The following UQCC2 variants were observed in gnomAD, a reference collection of about 807,000 sequenced individuals.
UQCC2 encodes the protein breast cancer-associated protein SGA-81M.
A neutral mutation model predicts 19.9 loss-of-function variants in UQCC2; 21 were observed. That is an observed-to-expected ratio of 1.05 (90% CI 0.75 to 1.52). UQCC2 has a LOEUF of 1.52. Among genes scored for constraint, UQCC2 ranks in the 40% most tolerant of loss-of-function variants. UQCC2 has a pLI of 0.00. For synonymous variants in UQCC2, 57 were observed against 60.9 expected, an observed-to-expected ratio of 0.94 and a Z score of 0.30; for missense variants, 135 against 157.5, an observed-to-expected ratio of 0.86 and a Z score of 0.76.
rs535216216 is a variant in UQCC2 at position 33,707,092 on chromosome 6, G to A, written c.138+4457C>T. Among the ~76,000 whole-genome samples, 168 of 152,358 alleles carry A rather than the reference G, an allele frequency of 1.1e-3. 9 individuals are homozygous for A. In the South Asian group the frequency reaches 0.034, roughly 31 times the overall value. The stretch of plus-strand genomic sequence containing the variant: ...TGGCCAAGAATTTATCCCTTCAGGT[G>A]GAGCACTGCAGCTTTACATATGCAG... On this transcript the variant is annotated intron_variant, in intron 1 of 3. Coordinates refer to ENST00000607484, the MANE Select transcript of UQCC2 (RefSeq NM_032340.4).
intron 1 of UQCC2, 82 bp from the exon 2 acceptor site, chr6:33,701,502 T>C: frequency 1.4e-6 from 2 of 1,392,524 alleles, no homozygotes; most frequent in Non-Finnish European, 2.0e-6. Context: ...AAGACCATAC[T>C]TAATAAAGCG....
chr6:33,703,364 C>A (rs1377470648), intron 1 of UQCC2, among the ~76,000 whole-genome samples: 1 of 152,160 alleles, frequency 6.6e-6, no homozygotes, highest in Middle Eastern at 3.2e-3. Context: ...AGGCTTTCAC[C>A]ATGTTGGCCA....
At chr6:33,702,738 CTCTTTTA>C (rs1404472415) in intron 1 of UQCC2, among the ~76,000 whole-genome samples, 12 of 152,198 alleles carry the variant, frequency 7.9e-5, no homozygotes, top group Non-Finnish European at 1.5e-5. Context: ...ACAAAACTTT[CTCTTTTA>C]TATTTTTTCC....
At chr6:33,707,326 C>G (rs1329619389) in intron 1 of UQCC2, among the ~76,000 whole-genome samples, 1 of 152,186 alleles carries the variant, frequency 6.6e-6, no homozygotes, top group Non-Finnish European at 1.5e-5. Context: ...TCAGGGGGCC[C>G]ACAAGTGGGG....
chr6:33,701,319 G>GTA, intron 2 of UQCC2, 27 bp downstream of exon 2: 1 of 1,596,402 alleles, frequency 6.3e-7, no homozygotes, highest in Non-Finnish European at 8.5e-7. Context: ...AGAAAGCTGG[G>GTA]TATATAAAAG....
At chr6:33,705,361 G>T (rs1371814884) in intron 1 of UQCC2, among the ~76,000 whole-genome samples, 1 of 152,060 alleles carries the variant, frequency 6.6e-6, no homozygotes. Flanking sequence ...CTGTGTGAAA[G>T]AGACAGTCTC....
rs199761668 is a variant in UQCC2 at position 33,697,726 on chromosome 6, A to G, written c.308T>C (p.Ile103Thr). ...CAGTTTCTTCCACATGCCTTTATCT[A>G]TTTCCTTAAGCTCTTCCAAGGTGTC... ...STDTLEELKEIDKGMWKKLQE... is the reference protein window; with the variant it reads ...STDTLEELKETDKGMWKKLQE... The change falls in exon 4 of 4, where the codon ATA becomes ACA. Residue 103 changes from isoleucine (I) to threonine (T), a missense_variant. Ile to Thr is a moderately conservative substitution (Grantham distance 89). Coordinates refer to ENST00000607484, the MANE Select transcript of UQCC2 (RefSeq NM_032340.4). 32 of 1,614,070 alleles carry G rather than the reference A, an allele frequency of 2.0e-5. No individual in the cohort carries two copies. In the East Asian group the frequency reaches 6.7e-4, roughly 34 times the overall value.
intron 1 of UQCC2, among the ~76,000 whole-genome samples, chr6:33,702,336 CAAA>C (rs10947431): frequency 7.7e-6 from 1 of 130,218 alleles, no homozygotes; most frequent in Admixed American, 7.8e-5. Flanking sequence ...TTAGCAAAGG[CAAA>C]AAAAAAAAAA....
In UQCC2 at chr6:33,697,198, G is replaced by T. The variant is rs189096625; in HGVS notation, c.*455C>A. 2.3e-3 allele frequency: 357 copies of T among 155,664 alleles called. 2 individuals carry two copies. The highest frequency in any genetic ancestry group is 7.7e-3 in the African/African-American group (322 of 41,616). 9.6% of individuals were successfully genotyped at this position (155,664 alleles called of 1,614,324 possible). On this transcript the variant is annotated 3_prime_UTR_variant, in exon 4 of 4. Transcript: ENST00000607484. The stretch of plus-strand genomic sequence containing the variant: ...GCCAAGCAGGCTTTTTGCCTCTCTC[G>T]GCCTCACACCTCCCTACTGCTTTCT...
chr6:33,697,771 AAG>A (rs758783764), intron 3 of UQCC2, 21 bp from the exon 4 acceptor site: 91 of 1,596,092 alleles, frequency 5.7e-5, no homozygotes, highest in Non-Finnish European at 7.7e-5. Context: ...GGAAGACAAA[AAG>A]AGAGAGGGAC....
intron 3 of UQCC2, among the ~76,000 whole-genome samples, chr6:33,699,891 C>T (rs1765618636): frequency 6.6e-6 from 1 of 152,228 alleles, no homozygotes; most frequent in Non-Finnish European, 1.5e-5. Context: ...TCCGGCCCCC[C>T]TCCTTAGGGA....
chr6:33,711,445 A>C (rs1765769904), intron 1 of UQCC2, 104 bp downstream of exon 1: 3 of 1,454,274 alleles, frequency 2.1e-6, no homozygotes, highest in Non-Finnish European at 2.7e-6. Flanking sequence ...GCTGCCTGGA[A>C]AGAGGGCGCG....
intron 1 of UQCC2, among the ~76,000 whole-genome samples, chr6:33,706,990 A>T (rs1316070247): frequency 6.6e-6 from 1 of 152,240 alleles, no homozygotes. Flanking sequence ...CAGGTCTCAC[A>T]AAGTTGCCTG....
In UQCC2 at chr6:33,711,407, G is replaced by T. The variant is rs190159764; in HGVS notation, c.138+142C>A. 6.5e-6 allele frequency: 8 copies of T among 1,234,700 alleles called. No homozygotes were observed. In the African/African-American group the frequency reaches 1.2e-4, roughly 19 times the overall value. The allele number at this position is 1,234,700 out of a possible 1,614,324, so 76.5% of individuals were successfully genotyped here. A position where few individuals can be genotyped will look rare whatever the true frequency, so the allele number is the denominator to read the frequency against. ...CGGGCGTCGCTATCAGTAGCTCCCTGGGGGAAAAAGGGGGTCCGCGCTCAC... is the reference window on the plus strand; with the variant it reads ...CGGGCGTCGCTATCAGTAGCTCCCTTGGGGAAAAAGGGGGTCCGCGCTCAC... On this transcript the variant is annotated intron_variant, in intron 1 of 3. Transcript: ENST00000607484.
chr6:33,700,383 G>T, intron 3 of UQCC2, 61 bp downstream of exon 3: 1 of 1,565,670 alleles, frequency 6.4e-7, no homozygotes, highest in Non-Finnish European at 8.8e-7. Flanking sequence ...AATTCCCCTT[G>T]GCCACTCAAA....
Position 33,697,569 on chromosome 6 carries a change from C to A in UQCC2, c.*84G>T. On this transcript the variant is annotated 3_prime_UTR_variant, in exon 4 of 4. Transcript: ENST00000607484. ...AGAGGAGATTCCCAAACCGTAAGGTCAAGGGGAAACTGGGGCAGTTTTATT... is the reference window on the plus strand; with the variant it reads ...AGAGGAGATTCCCAAACCGTAAGGTAAAGGGGAAACTGGGGCAGTTTTATT... 1 of 1,060,438 alleles carries A rather than the reference C, an allele frequency of 9.4e-7. No individual in the cohort carries two copies. Among genetic ancestry groups the A allele is most frequent in the South Asian group, 1.5e-5 (1 of 64,822 alleles). The allele number at this position is 1,060,438 out of a possible 1,614,324, so 65.7% of individuals were successfully genotyped here.
At chr6:33,698,331 T>TC (rs975738263) in intron 3 of UQCC2, 3 of 153,002 alleles carry the variant, frequency 2.0e-5, no homozygotes, top group African/African-American at 7.2e-5. Context: ...CCACTCTGGG[T>TC]CCCCTCAAGC....
rs1354229337 is a variant in UQCC2, at chr6:33,697,354, CGTGGCAATGCAGGAAGCACCTT to C, written c.*277_*298del. ...CCCGTGCCAGAGGGGCGGGGGCTCCCGTGGCAATGCAGGAAGCACCTTGTGCCGAGGCCCCATTACCCTCATC... is the reference window on the plus strand; with the variant it reads ...CCCGTGCCAGAGGGGCGGGGGCTCCCGTGCCGAGGCCCCATTACCCTCATC... On this transcript the variant is annotated 3_prime_UTR_variant, in exon 4 of 4. Coordinates refer to ENST00000607484, the MANE Select transcript of UQCC2 (RefSeq NM_032340.4). 1.0e-5 allele frequency: 3 copies of C among 292,450 alleles called. No homozygotes were observed. The East Asian group carries it at 1.8e-4, about 17-fold the overall frequency. The allele number at this position is 292,450 out of a possible 1,614,324, so 18.1% of individuals were successfully genotyped here.
chr6:33,700,066 C>T (rs1022258491), intron 3 of UQCC2, among the ~76,000 whole-genome samples: 6 of 152,156 alleles, frequency 3.9e-5, no homozygotes, highest in Non-Finnish European at 8.8e-5. Flanking sequence ...TCCCCAAACA[C>T]GTTTATTGAA....
Sources: gnomAD v4.1 joint callset for allele counts (sites outside exome capture counted in the v4.1 genomes callset) on GRCh38, gnomAD v4.1.1 for gene constraint, MANE v1.5 for transcripts, NCBI Gene and HGNC (gene_info 2026-07-23, HGNC 2026-07-21) for gene names.